SH3D19: variants seen among roughly 807,000 people sequenced by gnomAD.
The protein encoded by SH3D19 is SH3 domain containing 19.
In SH3D19, 58 loss-of-function variants were observed where a neutral mutation model predicts 112.1. That is an observed-to-expected ratio of 0.52 (90% confidence interval 0.42 to 0.64). The LOEUF (loss-of-function observed/expected upper bound fraction) is 0.64, where lower values mean the gene tolerates loss of function less well. Ranked by LOEUF, SH3D19 falls within the 30% of genes least tolerant of loss-of-function variation. The probability of loss-of-function intolerance (pLI) is 0.00; values close to 1 mark genes in which losing one functional copy is unlikely to be tolerated. For synonymous variants in SH3D19, 391 were observed against 448.5 expected, an observed-to-expected ratio of 0.87 and a Z score of 1.62; for missense variants, 1,090 against 1,263.4, an observed-to-expected ratio of 0.86 and a Z score of 2.08.
chr4:151,142,592 C>T (rs950750912), intron 12 of SH3D19, among the ~76,000 whole-genome samples: 9 of 152,130 alleles, frequency 5.9e-5, no homozygotes, highest in African/African-American at 2.2e-4. Context: ...AATTCCACTT[C>T]CCTGAAACCC....
chr4:151,322,266 C>T (rs1730610187), intron 1 of SH3D19, among the ~76,000 whole-genome samples: 1 of 151,710 alleles, frequency 6.6e-6, no homozygotes, highest in Admixed American at 6.6e-5. Flanking sequence ...AACCCCGTCT[C>T]CACTAAAAAT....
chr4:151,143,600 A>G (rs917422733), intron 12 of SH3D19, among the ~76,000 whole-genome samples: 4 of 151,710 alleles, frequency 2.6e-5, no homozygotes, highest in African/African-American at 7.3e-5. Context: ...GATCACTATT[A>G]TTTTTCATAT....
intron 2 of SH3D19, among the ~76,000 whole-genome samples, chr4:151,211,270 CAAAA>C (rs541426168): frequency 9.6e-6 from 1 of 103,812 alleles, no homozygotes. Context: ...AACTCCATCT[CAAAA>C]AAAAAAAAAA....
chr4:151,265,673 T>C (rs1772736803), intron 1 of SH3D19, among the ~76,000 whole-genome samples: 1 of 149,888 alleles, frequency 6.7e-6, no homozygotes, highest in Non-Finnish European at 1.5e-5. Context: ...ACCTCCCAGG[T>C]TCAAGCAATT....
intron 1 of SH3D19, among the ~76,000 whole-genome samples, chr4:151,321,914 G>T (rs1261482221): frequency 6.6e-6 from 1 of 152,112 alleles, no homozygotes; most frequent in African/African-American, 2.4e-5. Flanking sequence ...GGCATTTGGT[G>T]GATTAGTGAG....
At chr4:151,236,231 G>A (rs1461309648) in intron 1 of SH3D19, among the ~76,000 whole-genome samples, 4 of 152,282 alleles carry the variant, frequency 2.6e-5, no homozygotes, top group East Asian at 1.9e-4. Context: ...CCCTCAGCTC[G>A]TGGAGAGGTG....
At chr4:151,131,809 A>G (rs1433288045) in intron 17 of SH3D19, among the ~76,000 whole-genome samples, 1 of 149,672 alleles carries the variant, frequency 6.7e-6, no homozygotes, top group Non-Finnish European at 1.5e-5. Context: ...TTCTCTAATC[A>G]TGTCTCTTTT....
At chr4:151,198,304 CA>C (rs1231227871) in intron 2 of SH3D19, among the ~76,000 whole-genome samples, 2,516 of 46,080 alleles carry the variant, frequency 0.055, 34 homozygotes, top group Non-Finnish European at 0.11. Context: ...GACTCTGTCT[CA>C]AAAAAAAAAA....
chr4:151,237,958 C>G (rs769937786), intron 1 of SH3D19, among the ~76,000 whole-genome samples: 8 of 152,168 alleles, frequency 5.3e-5, no homozygotes, highest in Non-Finnish European at 7.4e-5. Context: ...CCCTTCTGAA[C>G]CAGGGGCTAT....
intron 1 of SH3D19, among the ~76,000 whole-genome samples, chr4:151,237,717 A>G (rs1169720338): frequency 1.3e-5 from 2 of 152,236 alleles, no homozygotes; most frequent in Admixed American, 6.5e-5. Flanking sequence ...CTCAATAAAC[A>G]TCTACTATTA....
intron 1 of SH3D19, among the ~76,000 whole-genome samples, chr4:151,314,718 T>C (rs1729822420): frequency 6.6e-6 from 1 of 152,292 alleles, no homozygotes; most frequent in African/African-American, 2.4e-5. Flanking sequence ...TCCTTCTAAG[T>C]AAAGGAGGAG....
rs556993748 is a variant in SH3D19, at chr4:151,135,485, C to G, written c.2428-353G>C. ...CTCTGTCACCCAGGCTGGAGTGCAG[C>G]GGCACAATCAGAACTCACTGCAGCC... is the stretch of plus-strand genomic sequence containing the variant. On this transcript the variant is annotated intron_variant, in intron 14 of 19. Transcript: ENST00000604030. 3.1e-5 allele frequency among the ~76,000 whole-genome samples: 4 copies of G among 130,024 alleles called. No homozygotes were observed. In the East Asian group the frequency reaches 7.1e-4, roughly 23 times the overall value. 85.3% of individuals were successfully genotyped at this position (130,024 alleles called of 152,430 possible).
intron 2 of SH3D19, among the ~76,000 whole-genome samples, chr4:151,196,431 A>G (rs754250490): frequency 5.3e-5 from 8 of 152,180 alleles, no homozygotes; most frequent in Non-Finnish European, 1.0e-4. Context: ...CCTGTCTCAA[A>G]AACAAACAAA....
At chr4:151,263,448 C>T (rs984726828) in intron 1 of SH3D19, among the ~76,000 whole-genome samples, 2 of 152,168 alleles carry the variant, frequency 1.3e-5, no homozygotes, top group Non-Finnish European at 2.9e-5. Context: ...GGAGGAGGAG[C>T]CCCGGCAGTA....
At chr4:151,186,045 G>T (rs889083973) in intron 3 of SH3D19, among the ~76,000 whole-genome samples, 2 of 152,172 alleles carry the variant, frequency 1.3e-5, no homozygotes, top group Non-Finnish European at 2.9e-5. Context: ...GTATCGGGGG[G>T]GAAAAACAAC....
chr4:151,241,460 C>T (rs890848761), intron 1 of SH3D19, among the ~76,000 whole-genome samples: 8 of 151,760 alleles, frequency 5.3e-5, no homozygotes, highest in East Asian at 1.9e-4. Flanking sequence ...AAGGCTAAAA[C>T]GTTCGGGTTT....
intron 1 of SH3D19, among the ~76,000 whole-genome samples, chr4:151,244,551 T>G (rs971745189): frequency 7.2e-5 from 11 of 152,190 alleles, no homozygotes; most frequent in Non-Finnish European, 1.5e-4. Context: ...CGAACTGAGA[T>G]TTAAATGTAA....
chr4:151,299,871 T>A (rs995189495), intron 1 of SH3D19, among the ~76,000 whole-genome samples: 3 of 152,172 alleles, frequency 2.0e-5, no homozygotes, highest in Admixed American at 1.3e-4. Flanking sequence ...AATAGCCCTA[T>A]TTTAAACTTC....
intron 19 of SH3D19, among the ~76,000 whole-genome samples, chr4:151,122,868 T>G (rs75792127): frequency 6.9e-6 from 1 of 144,864 alleles, no homozygotes; most frequent in Non-Finnish European, 1.5e-5. Context: ...TTTTTTTTTT[T>G]TGAGACGGAG....
Sources: gnomAD v4.1 joint callset for allele counts (sites outside exome capture counted in the v4.1 genomes callset) on GRCh38, gnomAD v4.1.1 for gene constraint, MANE v1.5 for transcripts, NCBI Gene and HGNC (gene_info 2026-07-23, HGNC 2026-07-21) for gene names.